Variants in PSMA2 observed in about 807,000 individuals in gnomAD.
PSMA2 encodes the protein proteasome subunit alpha type-2.
PSMA2 carries 2 observed loss-of-function variants against 35.9 expected under a neutral mutation model. That is an observed-to-expected ratio of 0.06 (90% CI 0.02 to 0.18). The LOEUF (loss-of-function observed/expected upper bound fraction) is 0.18, where lower values mean the gene tolerates loss of function less well. Ranked by LOEUF, PSMA2 falls within the 10% of genes least tolerant of loss-of-function variation. PSMA2 has a pLI of 1.00. For missense variants in PSMA2, 126 were observed against 278.8 expected, an observed-to-expected ratio of 0.45 and a Z score of 3.90; for synonymous variants, 97 against 98.2, an observed-to-expected ratio of 0.99 and a Z score of 0.07.
At chr7:42,930,054 T>G (rs756808277) in intron 1 of PSMA2, among the ~76,000 whole-genome samples, 7 of 152,192 alleles carry the variant, frequency 4.6e-5, no homozygotes, top group Non-Finnish European at 1.0e-4. Flanking sequence ...GTTTACTCAT[T>G]TATTGTCAAT....
At chr7:42,931,261 C>A in intron 1 of PSMA2, 1 of 366,324 alleles carries the variant, frequency 2.7e-6, no homozygotes, top group Non-Finnish European at 5.4e-6. Context: ...CTTCAGTTGT[C>A]AGGAGTACAT....
At chr7:42,924,639 A>G (rs1309638678) in intron 4 of PSMA2, 36 bp downstream of exon 4, 1 of 1,590,770 alleles carries the variant, frequency 6.3e-7, no homozygotes, top group East Asian at 2.3e-5. Flanking sequence ...TCCCCCTACA[A>G]TTCATGGCAC....
chr7:42,926,750 C>A (rs535693004), intron 2 of PSMA2, 82 bp from the exon 3 acceptor site: 804 of 1,372,258 alleles, frequency 5.9e-4, no homozygotes, highest in Non-Finnish European at 6.7e-4. Flanking sequence ...ATGCGCTAAA[C>A]GCAAACTCCT....
intron 4 of PSMA2, among the ~76,000 whole-genome samples, chr7:42,924,471 T>C (rs975484680): frequency 5.3e-5 from 8 of 152,084 alleles, no homozygotes; most frequent in Non-Finnish European, 2.9e-5. Context: ...CTTTCTGCTG[T>C]TACATAAGCA....
chr7:42,925,820 T>G (rs1247825803), intron 3 of PSMA2, among the ~76,000 whole-genome samples: 1 of 152,220 alleles, frequency 6.6e-6, no homozygotes, highest in Non-Finnish European at 1.5e-5. Context: ...ATTCACTGCC[T>G]GATCACATTC....
intron 2 of PSMA2, 29 bp downstream of exon 2, chr7:42,927,354 C>T: frequency 6.4e-7 from 1 of 1,564,560 alleles, no homozygotes; most frequent in Non-Finnish European, 8.8e-7. Flanking sequence ...TACTAACAGG[C>T]ATCTGAAATG....
At position 42,921,934 on chromosome 7, in the gene PSMA2, A is replaced by G. The variant is rs1786134504; in HGVS notation, c.457-3T>C. ...GCTTTCCAGGCAAAGTAAGCTCCCT[A>G]ATCAGGAAAGAAAGAGTAAAAAACC... is the stretch of plus-strand genomic sequence containing the variant. On this transcript the variant is annotated splice_polypyrimidine_tract_variant and splice_region_variant and intron_variant, in intron 5 of 7. Transcript: ENST00000223321. 1 of 1,608,102 alleles carries G rather than the reference A, an allele frequency of 6.2e-7. No individual in the cohort carries two copies. Among genetic ancestry groups the G allele is most frequent in the Admixed American group, 1.7e-5 (1 of 59,770 alleles).
Position 42,930,443 on chromosome 7 carries a change from G to C in PSMA2, c.41+1675C>G, listed in dbSNP as rs537430277. 5.1e-4 allele frequency among the ~76,000 whole-genome samples: 77 copies of C among 151,868 alleles called. 1 individual carries two copies. Among genetic ancestry groups the C allele is most frequent in the Middle Eastern group, 6.8e-3 (2 of 294 alleles). On this transcript the variant is annotated intron_variant, in intron 1 of 7. Transcript: ENST00000223321. ...ATTTTTTAATTTTTTTCAGAGATAGGGTCTTGCTGTGTTGCCCAGGCTAGT... is the reference window on the plus strand; with the variant it reads ...ATTTTTTAATTTTTTTCAGAGATAGCGTCTTGCTGTGTTGCCCAGGCTAGT...
intron 2 of PSMA2, 76 bp from the exon 3 acceptor site, chr7:42,926,744 G>A (rs773566096): frequency 7.9e-5 from 111 of 1,409,830 alleles, no homozygotes; most frequent in Middle Eastern, 1.8e-4. Flanking sequence ...TTATGGATGC[G>A]CTAAACGCAA....
chr7:42,922,394 A>T (rs1298213247), intron 5 of PSMA2, among the ~76,000 whole-genome samples: 1 of 152,212 alleles, frequency 6.6e-6, no homozygotes. Flanking sequence ...TTAGTGAATT[A>T]AAAAGAGAGC....
chr7:42,931,086 A>G (rs1786300689), intron 1 of PSMA2: 12 of 404,342 alleles, frequency 3.0e-5, no homozygotes, highest in South Asian at 1.9e-4. Context: ...ATGTCAACTC[A>G]GCTACTCACC....
At position 42,925,683 on chromosome 7, in the gene PSMA2, G is replaced by T. The variant is rs565174025; in HGVS notation, c.251+853C>A. Among the ~76,000 whole-genome samples, 17 of 152,226 alleles carry T rather than the reference G, an allele frequency of 1.1e-4. No individual in the cohort carries two copies. The South Asian group carries it at 3.5e-3, about 32-fold the overall frequency. Reference sequence around the variant, plus strand: ...AGCAAGACAAATAGGATTTATCTTTGCCAGCTCATATACTACTGATCTGAA... The same window carrying T: ...AGCAAGACAAATAGGATTTATCTTTTCCAGCTCATATACTACTGATCTGAA... On this transcript the variant is annotated intron_variant, in intron 3 of 7. Transcript: ENST00000223321.
At chr7:42,919,012 C>T (rs934592931) in intron 6 of PSMA2, 12 of 250,412 alleles carry the variant, frequency 4.8e-5, no homozygotes, top group Non-Finnish European at 7.1e-5. Context: ...TTAGTAGAGA[C>T]GGGGTTTCAC....
At chr7:42,923,532 GA>G (rs1786159282) in intron 4 of PSMA2, 126 bp from the exon 5 acceptor site, 2 of 691,318 alleles carry the variant, frequency 2.9e-6, no homozygotes, top group African/African-American at 1.8e-5. Context: ...AAGTTCCTTA[GA>G]AAGTATTTAA....
chr7:42,922,082 T>A, intron 5 of PSMA2, 151 bp from the exon 6 acceptor site: 1 of 656,916 alleles, frequency 1.5e-6, no homozygotes, highest in East Asian at 2.8e-5. Flanking sequence ...GAATAGGTTA[T>A]TTTTTAAGAA....
chr7:42,922,075 T>C (rs900251798), intron 5 of PSMA2, 144 bp from the exon 6 acceptor site: 1 of 656,170 alleles, frequency 1.5e-6, no homozygotes, highest in African/African-American at 1.8e-5. Context: ...CGTCACAGAA[T>C]AGGTTATTTT....
intron 1 of PSMA2, among the ~76,000 whole-genome samples, chr7:42,927,951 A>T (rs573517210): frequency 1.2e-4 from 18 of 152,072 alleles, no homozygotes; most frequent in African/African-American, 3.9e-4. Flanking sequence ...CAAGTTTACA[A>T]GGCAATTGGA....
At chr7:42,919,548 T>C (rs1786091108) in intron 6 of PSMA2, 1 of 516,540 alleles carries the variant, frequency 1.9e-6, no homozygotes, top group Non-Finnish European at 3.8e-6. Context: ...TGTTAAGACT[T>C]TGGGATCATG....
In PSMA2 at chr7:42,917,458, G is replaced by T; in HGVS notation, c.*116C>A. 2 of 756,780 alleles carry T rather than the reference G, an allele frequency of 2.6e-6. No homozygotes were observed. The highest frequency in any genetic ancestry group is 4.3e-6 in the Non-Finnish European group (2 of 461,908). The allele number at this position is 756,780 out of a possible 1,614,324, so 46.9% of individuals were successfully genotyped here. ...ATTTATAAGTGTCATTTTAAAAACA[G>T]TCGATTTAAACCATGTAGAAATAAG... is the stretch of plus-strand genomic sequence containing the variant. On this transcript the variant is annotated 3_prime_UTR_variant, in exon 8 of 8. Coordinates refer to ENST00000223321, the MANE Select transcript of PSMA2 (RefSeq NM_002787.5).
Sources: allele counts gnomAD v4.1 joint callset (sites outside exome capture counted in the v4.1 genomes callset), GRCh38; gene constraint gnomAD v4.1.1; transcripts MANE v1.5; gene names NCBI Gene and HGNC (gene_info 2026-07-23, HGNC 2026-07-21).